TCF3: variants seen among roughly 807,000 people sequenced by gnomAD.
The protein encoded by TCF3 is transcription factor E2-alpha.
Under a neutral mutation model 72.3 loss-of-function variants are expected in TCF3, and 54 were observed. The observed-to-expected ratio is 0.75, with a 90% CI of 0.60 to 0.94. TCF3 has a LOEUF of 0.94. TCF3 is among the 40% of genes least tolerant of loss of function. The probability of loss-of-function intolerance (pLI) is 0.00; values close to 1 mark genes in which losing one functional copy is unlikely to be tolerated. For synonymous variants in TCF3, 525 were observed against 412.6 expected, an observed-to-expected ratio of 1.27 and a Z score of -3.30; for missense variants, 1,078 against 934.4, an observed-to-expected ratio of 1.15 and a Z score of -2.00.
At chr19:1,643,986 C>T (rs1275595713) in intron 3 of TCF3, among the ~76,000 whole-genome samples, 1 of 152,216 alleles carries the variant, frequency 6.6e-6, no homozygotes, top group Non-Finnish European at 1.5e-5. Context: ...GCCAACTAGG[C>T]CCCGCCTGGA....
rs2061478625 is a variant in TCF3, at chr19:1,615,653, G to A, written c.1586+33C>T. ...GTGCACATGTGCGTCCTGATGGGGT[G>A]AGGGTGGGGAGTGCCGAGGGGTGGG... On this transcript the variant is annotated intron_variant, in intron 17 of 18. Transcript: ENST00000262965. The surrounding 1 kb of genome is among the most constrained non-coding windows in gnomAD (Gnocchi z 7.3). The A allele has an allele frequency of 6.2e-7, 1 of 1,612,830 alleles. No individual in the cohort carries two copies. Among genetic ancestry groups the A allele is most frequent in the Non-Finnish European group, 8.5e-7 (1 of 1,179,734 alleles).
At chr19:1,635,051 G>C (rs1164163729) in intron 3 of TCF3, among the ~76,000 whole-genome samples, 1 of 152,200 alleles carries the variant, frequency 6.6e-6, no homozygotes, top group African/African-American at 2.4e-5. Flanking sequence ...TACCAGGAGT[G>C]GGGTTACCAT....
At position 1,615,765 on chromosome 19, in the gene TCF3, CCTT is replaced by C. The variant is rs756376945; in HGVS notation, c.1504_1506del (p.Lys502del). On this transcript the variant is annotated inframe_deletion, in exon 17 of 19. Transcript: ENST00000262965. The surrounding 1 kb of genome is among the most constrained non-coding windows in gnomAD (Gnocchi z 7.3). ...GCCGCTGACGTGTTCTCCTCGTCCT[CCTT>C]CTCCTCCCGCTTGATCTCGCTGGCG... is the stretch of plus-strand genomic sequence containing the variant. 1.2e-5 allele frequency: 19 copies of C among 1,602,276 alleles called. No individual in the cohort carries two copies. The highest frequency in any genetic ancestry group is 1.5e-5 in the Non-Finnish European group (18 of 1,172,834).
At chr19:1,619,907 C>A in intron 13 of TCF3, 54 bp from the exon 14 acceptor site, 2 of 1,431,156 alleles carry the variant, frequency 1.4e-6, no homozygotes, top group Non-Finnish European at 1.9e-6. Flanking sequence ...GTGAGCATGG[C>A]CTGATGCCCA....
rs375239736 is a variant in TCF3 at position 1,615,746 on chromosome 19, G to T, written c.1526C>A (p.Ser509Ter). Residue 509 changes from serine (S) to a stop codon, truncating the protein, a stop_gained, in exon 17 of 19, where the codon TCA becomes TAA. Coordinates refer to ENST00000262965, the MANE Select transcript of TCF3 (RefSeq NM_003200.5). LOFTEE classifies it high-confidence loss of function. This position sits in a 1 kb window ranked among gnomAD's most constrained non-coding sequence, Gnocchi z 7.3. ...REEKEDEENT[S>*]AADHSEEEKK... ...CTCCTCCTCCGAGTGGTCAGCCGCT[G>T]ACGTGTTCTCCTCGTCCTCCTTCTC... is the stretch of plus-strand genomic sequence containing the variant. 1 of 1,610,618 alleles carries T rather than the reference G, an allele frequency of 6.2e-7. No individual in the cohort carries two copies. The highest frequency in any genetic ancestry group is 8.5e-7 in the Non-Finnish European group (1 of 1,177,798).
At chr19:1,648,513 G>A (rs1458365577) in intron 2 of TCF3, among the ~76,000 whole-genome samples, 1 of 152,190 alleles carries the variant, frequency 6.6e-6, no homozygotes, top group East Asian at 1.9e-4. Context: ...ACGCTGGTCT[G>A]TTCCAGCCCA....
chr19:1,615,484 CTCTGGGGGGAGAAGG>C lies in TCF3; in HGVS notation c.1608_1622del (p.Asp536_Pro540del). The C allele has an allele frequency of 6.2e-7, 1 of 1,611,178 alleles. No individual in the cohort carries two copies. Among genetic ancestry groups the C allele is most frequent in the Non-Finnish European group, 8.5e-7 (1 of 1,179,878 alleles). On this transcript the variant is annotated inframe_deletion, in exon 18 of 19. Transcript: ENST00000262965. This position sits in a 1 kb window ranked among gnomAD's most constrained non-coding sequence, Gnocchi z 7.3. ...GCTCCTTCTCCCGCTCGGCCTTCTG[CTCTGGGGGGAGAAGG>C]TCGTCCTCGTCCTCGTCTGGGCTAT...
At position 1,642,129 on chromosome 19, in the gene TCF3, TACACACACACACAC is replaced by T. The variant is rs10531649; in HGVS notation, c.145+4212_145+4225del. ...TGCATGTCTCAAAACTGCACAGAAC[TACACACACACACAC>T]ACACACACACACACACACACACGCA... On this transcript the variant is annotated intron_variant, in intron 3 of 18. Transcript: ENST00000262965. Among the ~76,000 whole-genome samples, 253 of 147,358 alleles carry T rather than the reference TACACACACACACAC, an allele frequency of 1.7e-3. 1 individual carries two copies. Among genetic ancestry groups the T allele is most frequent in the African/African-American group, 5.8e-3 (229 of 39,736 alleles).
At chr19:1,649,723 C>G (rs2066698994) in intron 2 of TCF3, among the ~76,000 whole-genome samples, 1 of 152,170 alleles carries the variant, frequency 6.6e-6, no homozygotes, top group Non-Finnish European at 1.5e-5. Context: ...GTGCCCAGCC[C>G]CCCTCCCATT....
At chr19:1,627,297 G>T in intron 6 of TCF3, 62 bp downstream of exon 6, 5 of 1,420,310 alleles carry the variant, frequency 3.5e-6, no homozygotes, top group Non-Finnish European at 3.9e-6. Context: ...GCAGATCAGA[G>T]AGGGTGGGTG....
intron 14 of TCF3, 44 bp downstream of exon 14, chr19:1,619,736 A>G: frequency 9.3e-7 from 1 of 1,079,610 alleles, no homozygotes; most frequent in South Asian, 1.3e-5. Flanking sequence ...CTGTCCTGCA[A>G]ATTCTGTCGG....
intron 3 of TCF3, among the ~76,000 whole-genome samples, chr19:1,640,347 A>G (rs1438365533): frequency 6.6e-6 from 1 of 151,928 alleles, no homozygotes; most frequent in African/African-American, 2.4e-5. Flanking sequence ...TGTCCTGGCT[A>G]ACACGGTGAA....
At chr19:1,652,261 G>A (rs1431435507) in intron 1 of TCF3, 39 bp downstream of exon 1, 4 of 145,480 alleles carry the variant, frequency 2.7e-5, no homozygotes, top group Non-Finnish European at 6.1e-5. Flanking sequence ...ACAAAGCACG[G>A]GGGTACCGGG....
chr19:1,636,452 C>T (rs996805143), intron 3 of TCF3, among the ~76,000 whole-genome samples: 8 of 152,260 alleles, frequency 5.3e-5, no homozygotes, highest in Admixed American at 2.0e-4. Flanking sequence ...TGAGCCACAA[C>T]GCCTGGTGAA....
intron 5 of TCF3, among the ~76,000 whole-genome samples, chr19:1,627,627 C>G (rs949526174): frequency 1.3e-5 from 2 of 152,202 alleles, no homozygotes; most frequent in Non-Finnish European, 2.9e-5. Context: ...CCCGCAGAGC[C>G]CTGCCCTCAG....
chr19:1,650,060 A>G, intron 2 of TCF3, 117 bp downstream of exon 2: 1 of 1,069,126 alleles, frequency 9.4e-7, no homozygotes, highest in Non-Finnish European at 1.3e-6. Flanking sequence ...GGGGCCTCCC[A>G]TCCAAACAGC....
intron 7 of TCF3, among the ~76,000 whole-genome samples, chr19:1,625,155 G>C (rs1198850369): frequency 6.6e-6 from 1 of 152,238 alleles, no homozygotes; most frequent in Non-Finnish European, 1.5e-5. Context: ...CGACTGTGCT[G>C]CCTGGAATGG....
chr19:1,610,050 G>A lies in TCF3; in HGVS notation c.*1657C>T, dbSNP rs1475528135. ...TCGTGTGGAACTGGATGGGATCCCA[G>A]GGTAGGAGACTTGCAGTTTTAAACC... On this transcript the variant is annotated 3_prime_UTR_variant, in exon 19 of 19. Transcript: ENST00000262965. The A allele has an allele frequency of 4.3e-6, 1 of 232,736 alleles. No homozygotes were observed. The highest frequency in any genetic ancestry group is 8.5e-6 in the Non-Finnish European group (1 of 117,804). The allele number at this position is 232,736 out of a possible 1,614,324, so 14.4% of individuals were successfully genotyped here. A position where few individuals can be genotyped will look rare whatever the true frequency, so the allele number is the denominator to read the frequency against.
chr19:1,646,789 G>A (rs1349310633), intron 2 of TCF3, among the ~76,000 whole-genome samples: 4 of 152,384 alleles, frequency 2.6e-5, no homozygotes, highest in East Asian at 3.9e-4. Flanking sequence ...GCTCTTGACA[G>A]TGATACAAAG....
Sources: allele counts gnomAD v4.1 joint callset (sites outside exome capture counted in the v4.1 genomes callset), GRCh38; gene constraint gnomAD v4.1.1; non-coding constraint Gnocchi (gnomAD v3.1); transcripts MANE v1.5; gene names NCBI Gene and HGNC (gene_info 2026-07-23, HGNC 2026-07-21).